Variants in MTOR observed in about 807,000 individuals in gnomAD.
The protein encoded by MTOR is serine/threonine-protein kinase mTOR.
A neutral mutation model predicts 319.8 loss-of-function variants in MTOR; 70 were observed. The observed-to-expected ratio is 0.22, with a 90% confidence interval of 0.18 to 0.27. MTOR has a LOEUF of 0.27. Ranked by LOEUF, MTOR falls within the 10% of genes least tolerant of loss-of-function variation. The probability of loss-of-function intolerance (pLI) is 1.00; values close to 1 mark genes in which losing one functional copy is unlikely to be tolerated. For synonymous variants in MTOR, 1,183 were observed against 1,211.4 expected, an observed-to-expected ratio of 0.98 and a Z score of 0.49; for missense variants, 1,890 against 3,274.4, an observed-to-expected ratio of 0.58 and a Z score of 10.32.
At chr1:11,202,199 G>A (rs993267757) in intron 26 of MTOR, among the ~76,000 whole-genome samples, 3 of 152,156 alleles carry the variant, frequency 2.0e-5, no homozygotes, top group Non-Finnish European at 2.9e-5. Context: ...GGAGGCCGAG[G>A]TGGGCAGATT....
In MTOR at chr1:11,114,687, C is replaced by G; in HGVS notation, c.7164+126G>C. 3.6e-6 allele frequency: 4 copies of G among 1,098,592 alleles called. No homozygotes were observed. The South Asian group carries it at 6.0e-5, about 16-fold the overall frequency. 68.1% of individuals were successfully genotyped at this position (1,098,592 alleles called of 1,614,324 possible). ...TCATTTCTAACACAATAGGAAATAACAGAAAACTGCTACAAAAATCACAAA... is the reference window on the plus strand; with the variant it reads ...TCATTTCTAACACAATAGGAAATAAGAGAAAACTGCTACAAAAATCACAAA... On this transcript the variant is annotated intron_variant, in intron 52 of 57. Transcript: ENST00000361445.
intron 28 of MTOR, among the ~76,000 whole-genome samples, chr1:11,184,290 A>T (rs765331605): frequency 3.9e-5 from 6 of 152,252 alleles, no homozygotes; most frequent in Non-Finnish European, 8.8e-5. Context: ...ATTAGAATCC[A>T]GATTTGTCTG....
chr1:11,226,385 G>A (rs1021682330), intron 19 of MTOR: 3 of 152,058 alleles, frequency 2.0e-5, no homozygotes, highest in Non-Finnish European at 4.4e-5. Flanking sequence ...AAAATAAAAA[G>A]ATATCTACCA....
Position 11,214,146 on chromosome 1 carries a change from G to A in MTOR, c.3118-580C>T, listed in dbSNP as rs368116305. Among the ~76,000 whole-genome samples, 17 of 152,268 alleles carry A rather than the reference G, an allele frequency of 1.1e-4. No individual in the cohort carries two copies. The East Asian group carries it at 1.5e-3, about 14-fold the overall frequency. ...CAGGGTGGACTTGGACCTTACTTTGGTATCACCTGATCTCTACCAGAGGGT... is the reference window on the plus strand; with the variant it reads ...CAGGGTGGACTTGGACCTTACTTTGATATCACCTGATCTCTACCAGAGGGT... On this transcript the variant is annotated intron_variant, in intron 20 of 57. Coordinates refer to ENST00000361445, the MANE Select transcript of MTOR (RefSeq NM_004958.4).
chr1:11,229,216 A>G (rs1249680875), intron 18 of MTOR, among the ~76,000 whole-genome samples: 1 of 152,202 alleles, frequency 6.6e-6, no homozygotes, highest in East Asian at 1.9e-4. Flanking sequence ...TACCGTTCAC[A>G]ACTTCATAAC....
chr1:11,114,255 A>G, intron 53 of MTOR, 63 bp downstream of exon 53: 1 of 1,593,112 alleles, frequency 6.3e-7, no homozygotes, highest in Admixed American at 1.7e-5. Context: ...TTGGCCTCCC[A>G]AAATGTTAGG....
At chr1:11,119,295 G>A (rs943774109) in intron 49 of MTOR, among the ~76,000 whole-genome samples, 6 of 151,672 alleles carry the variant, frequency 4.0e-5, no homozygotes, top group Non-Finnish European at 7.4e-5. Flanking sequence ...GGCCGGGAAC[G>A]GTGGCTCCCG....
intron 19 of MTOR, among the ~76,000 whole-genome samples, chr1:11,224,158 T>C (rs1646755717): frequency 6.6e-6 from 1 of 152,020 alleles, no homozygotes; most frequent in Non-Finnish European, 1.5e-5. Context: ...ACAAACATTT[T>C]TAAATTGGAT....
At chr1:11,159,105 T>C (rs1365829882) in intron 29 of MTOR, among the ~76,000 whole-genome samples, 1 of 152,226 alleles carries the variant, frequency 6.6e-6, no homozygotes, top group Non-Finnish European at 1.5e-5. Flanking sequence ...GTATAAACCA[T>C]CTGCTGGCAG....
intron 8 of MTOR, among the ~76,000 whole-genome samples, chr1:11,245,173 T>C (rs968660933): frequency 6.6e-6 from 1 of 152,204 alleles, no homozygotes; most frequent in Admixed American, 6.5e-5. Flanking sequence ...CATAAGCCAG[T>C]GTGCATGGGT....
rs367849681 is a variant in MTOR, at chr1:11,243,352, C to A, written c.1226-52G>T. ...AGCTCCAGGTCAGGGTTAGGGTCTACATATCAACAGTCAAAGGTCCTATAA... is the reference window on the plus strand; with the variant it reads ...AGCTCCAGGTCAGGGTTAGGGTCTAAATATCAACAGTCAAAGGTCCTATAA... On this transcript the variant is annotated intron_variant, in intron 8 of 57. Transcript: ENST00000361445. 4.4e-4 allele frequency: 668 copies of A among 1,534,396 alleles called. 1 individual carries two copies. Among genetic ancestry groups the A allele is most frequent in the Non-Finnish European group, 5.7e-4 (639 of 1,124,140 alleles).
intron 26 of MTOR, among the ~76,000 whole-genome samples, chr1:11,203,545 A>G (rs1247228561): frequency 6.6e-6 from 1 of 151,016 alleles, no homozygotes; most frequent in Non-Finnish European, 1.5e-5. Context: ...GTGGTGGTAC[A>G]CACCTGTAAT....
intron 28 of MTOR, among the ~76,000 whole-genome samples, chr1:11,192,738 CCATTT>C (rs1645591865): frequency 7.7e-6 from 1 of 130,692 alleles, no homozygotes; most frequent in African/African-American, 2.7e-5. Context: ...AAGTGAGACT[CCATTT>C]CAATTAAAAA....
At chr1:11,259,952 A>G (rs776738781) in intron 1 of MTOR, among the ~76,000 whole-genome samples, 1 of 152,176 alleles carries the variant, frequency 6.6e-6, no homozygotes, top group Non-Finnish European at 1.5e-5. Context: ...CTCAAGAAAG[A>G]CACTCAAAAT....
Position 11,209,368 on chromosome 1 carries a change from G to C in MTOR, c.3745C>G (p.Pro1249Ala). ...TTCTTCATGGGTCCTGTTTCCACTGGTCCACTAGCCAATGCATCCCCTTGG... is the reference window on the plus strand; with the variant it reads ...TTCTTCATGGGTCCTGTTTCCACTGCTCCACTAGCCAATGCATCCCCTTGG... ...SGQGDALASG[P>A]VETGPMKKLH... The change falls in exon 25 of 58, where the codon CCA becomes GCA. Residue 1249 changes from proline (P) to alanine (A), a missense_variant. By Grantham distance (27) the Pro-to-Ala change is conservative. This residue lies in a region of MTOR where 115 missense variants were observed against 105.7 expected (regional missense o/e 1.09). Coordinates refer to ENST00000361445, the MANE Select transcript of MTOR (RefSeq NM_004958.4). 6.2e-7 allele frequency: 1 copy of C among 1,614,148 alleles called. No individual in the cohort carries two copies. The highest frequency in any genetic ancestry group is 8.5e-7 in the Non-Finnish European group (1 of 1,180,016).
intron 37 of MTOR, 131 bp downstream of exon 37, chr1:11,134,220 T>C: frequency 2.7e-6 from 2 of 738,398 alleles, no homozygotes; most frequent in South Asian, 3.6e-5. Flanking sequence ...TTGCCTGGGA[T>C]CCCTACTGGA....
chr1:11,193,046 C>G (rs1571125018), intron 28 of MTOR, among the ~76,000 whole-genome samples: 1 of 152,132 alleles, frequency 6.6e-6, no homozygotes, highest in East Asian at 1.9e-4. Flanking sequence ...GGCATGGTGG[C>G]TCACACCTGT....
intron 37 of MTOR, among the ~76,000 whole-genome samples, chr1:11,134,122 C>T (rs1037255974): frequency 4.6e-5 from 7 of 151,986 alleles, no homozygotes; most frequent in Admixed American, 6.5e-5. Flanking sequence ...TAAAACCAGA[C>T]GCCAGGAGAA....
Position 11,212,929 on chromosome 1 carries a change from A to G in MTOR, c.3286-21T>C. 6.3e-7 allele frequency: 1 copy of G among 1,586,598 alleles called. No homozygotes were observed. The highest frequency in any genetic ancestry group is 8.7e-7 in the Non-Finnish European group (1 of 1,155,236). On this transcript the variant is annotated intron_variant, in intron 21 of 57. Transcript: ENST00000361445. The surrounding 1 kb of genome is among the most constrained non-coding windows in gnomAD (Gnocchi z 4.1). ...AGTAACTGCAAAAGGGAGCAAAAGC[A>G]TGGTGATGAATAGTCAGGTCCCAAG...
Sources: gnomAD v4.1 joint callset for allele counts (sites outside exome capture counted in the v4.1 genomes callset) on GRCh38, gnomAD v4.1.1 for gene constraint, gnomAD v4.1.1 regional missense constraint, Gnocchi (gnomAD v3.1) non-coding constraint, MANE v1.5 for transcripts, NCBI Gene and HGNC (gene_info 2026-07-23, HGNC 2026-07-21) for gene names.